DYNC2H1: variants seen among roughly 807,000 people sequenced by gnomAD.
DYNC2H1 encodes dynein cytoplasmic 2 heavy chain 1.
A neutral mutation model predicts 570.0 loss-of-function variants in DYNC2H1; 410 were observed. The observed-to-expected ratio is 0.72, with a 90% CI of 0.66 to 0.78. The LOEUF is 0.78. Ranked by LOEUF, DYNC2H1 falls within the 30% of genes least tolerant of loss-of-function variation. The pLI is 0.00. For missense variants in DYNC2H1, 4,865 were observed against 5,046.4 expected (o/e 0.96, Z 1.09); for synonymous variants, 1,688 against 1,677.6 (o/e 1.01, Z -0.15).
intron 77 of DYNC2H1, among the ~76,000 whole-genome samples, 153 bp from the exon 78 acceptor site, chr11:103,307,568 G>T (rs1232295786): frequency 6.6e-6 from 1 of 151,872 alleles, no homozygotes; most frequent in East Asian, 1.9e-4. Context: ...TAATAGAAAA[G>T]ATAAAAATTT....
At chr11:103,161,136 G>C (rs1369294399) in intron 29 of DYNC2H1, 92 bp downstream of exon 29, 6 of 678,116 alleles carry the variant, frequency 8.8e-6, no homozygotes, top group Non-Finnish European at 1.4e-5. Flanking sequence ...AGAGGGTAAA[G>C]TTGGTTAATT....
rs1858791359 is a variant in DYNC2H1, at chr11:103,122,883, G to T, written c.1544G>T (p.Cys515Phe). Residue 515 changes from cysteine (C) to phenylalanine (F), a missense_variant, in exon 11 of 89, where the codon TGT becomes TTT. Cys to Phe is a radical substitution (Grantham distance 205). Coordinates refer to ENST00000375735, the MANE Select transcript of DYNC2H1 (RefSeq NM_001377.3). ...TTATCTGACTTGCCAGGATTTCGAT[G>T]TTTCCATCAAAGTGCCAAAGATCTC... ...ALLSDLPGFRCFHQSAKDLLD... is the reference protein window; with the variant it reads ...ALLSDLPGFRFFHQSAKDLLD... 6.2e-7 allele frequency: 1 copy of T among 1,613,204 alleles called. No homozygotes were observed. Among genetic ancestry groups the T allele is most frequent in the African/African-American group, 1.3e-5 (1 of 75,038 alleles).
At chr11:103,462,577 C>T (rs979093935) in intron 87 of DYNC2H1, among the ~76,000 whole-genome samples, 5 of 152,084 alleles carry the variant, frequency 3.3e-5, no homozygotes, top group African/African-American at 7.2e-5. Flanking sequence ...AATTCTTCTG[C>T]AAAGAGGCTT....
Position 103,439,534 on chromosome 11 carries a change from T to A in DYNC2H1, c.12456+3502T>A, listed in dbSNP as rs1252631813. On this transcript the variant is annotated intron_variant, in intron 85 of 88. Transcript: ENST00000375735. The surrounding 1 kb of genome is among the most constrained non-coding windows in gnomAD (Gnocchi z 4.1). The stretch of plus-strand genomic sequence containing the variant: ...CATTTTAAGAAGGAAAGTCAGATTA[T>A]GTTTTAAAGGGACTGTTTTAGCTGC... Among the ~76,000 whole-genome samples the A allele has an allele frequency of 6.6e-6, 1 of 152,048 alleles. No individual in the cohort carries two copies. Among genetic ancestry groups the A allele is most frequent in the Non-Finnish European group, 1.5e-5 (1 of 67,988 alleles).
intron 6 of DYNC2H1, among the ~76,000 whole-genome samples, chr11:103,119,216 G>A (rs958479257): frequency 6.6e-6 from 1 of 152,028 alleles, no homozygotes; most frequent in Non-Finnish European, 1.5e-5. Context: ...ATAAATTTTT[G>A]TATTTTATGT....
chr11:103,206,455 T>A (rs1449604318), intron 52 of DYNC2H1, among the ~76,000 whole-genome samples: 1 of 151,764 alleles, frequency 6.6e-6, no homozygotes, highest in Non-Finnish European at 1.5e-5. Flanking sequence ...AGAGTGCAGG[T>A]GATATTTAAA....
chr11:103,130,161 C>T (rs770629309), intron 13 of DYNC2H1, among the ~76,000 whole-genome samples: 2 of 152,122 alleles, frequency 1.3e-5, no homozygotes, highest in Non-Finnish European at 2.9e-5. Context: ...AGACTCAAAA[C>T]CTAGGTTTTT....
intron 1 of DYNC2H1, among the ~76,000 whole-genome samples, chr11:103,112,713 T>G (rs559639938): frequency 7.9e-5 from 12 of 152,226 alleles, no homozygotes; most frequent in Non-Finnish European, 1.8e-4. Flanking sequence ...GACCCATAGC[T>G]GTTCTTCCTA....
At chr11:103,220,826 T>G in intron 57 of DYNC2H1, 43 bp downstream of exon 57, 1 of 1,541,036 alleles carries the variant, frequency 6.5e-7, no homozygotes, top group African/African-American at 1.4e-5. Context: ...CGGCAATGAA[T>G]GACACATTCT....
intron 88 of DYNC2H1, among the ~76,000 whole-genome samples, chr11:103,477,607 G>A (rs1945596082): frequency 1.3e-5 from 2 of 151,932 alleles, no homozygotes; most frequent in Admixed American, 6.6e-5. Context: ...CGAGGCACAC[G>A]TATCACGAGG....
Position 103,311,897 on chromosome 11 carries a change from A to C in DYNC2H1, c.11513A>C (p.Lys3838Thr), listed in dbSNP as rs776931710. Residue 3838 changes from lysine (K) to threonine (T), a missense_variant, in exon 79 of 89, where the codon AAG (lysine) becomes ACG (threonine). Physicochemically the swap from Lys to Thr is moderately conservative, Grantham distance 78. Around this residue, in one of 5 missense-constraint regions of DYNC2H1, gnomAD observed 2,401 missense variants for 2,454.6 expected, o/e 0.98. Transcript: ENST00000375735. ...TTCTAGTCACCTCCAGGTTTAAAGA[A>C]GAATTTAATGCGTACTTATGAGTCT... Reference protein sequence around the residue: ...ITYESPPGLKKNLMRTYESWT... With the variant: ...ITYESPPGLKTNLMRTYESWT... 3 of 1,609,956 alleles carry C rather than the reference A, an allele frequency of 1.9e-6. No homozygotes were observed. The Admixed American group carries it at 5.1e-5, about 27-fold the overall frequency.
intron 82 of DYNC2H1, among the ~76,000 whole-genome samples, chr11:103,338,760 G>A (rs527580549): frequency 3.9e-5 from 6 of 152,186 alleles, no homozygotes; most frequent in Non-Finnish European, 7.4e-5. Flanking sequence ...CATGAAGACA[G>A]CTGTTTTGAA....
chr11:103,466,084 G>T (rs534884469), intron 87 of DYNC2H1, among the ~76,000 whole-genome samples: 17 of 150,992 alleles, frequency 1.1e-4, no homozygotes, highest in South Asian at 2.1e-4. Context: ...CTGGTTTAGG[G>T]AACGACAGAC....
At chr11:103,361,467 T>C (rs150855756) in intron 83 of DYNC2H1, among the ~76,000 whole-genome samples, 1 of 147,992 alleles carries the variant, frequency 6.8e-6, no homozygotes, top group Non-Finnish European at 1.5e-5. Flanking sequence ...TGTTTTGTTA[T>C]AGCAACCAGA....
At chr11:103,178,930 T>G in intron 38 of DYNC2H1, 96 bp from the exon 39 acceptor site, 1 of 1,247,456 alleles carries the variant, frequency 8.0e-7, no homozygotes, top group Non-Finnish European at 1.1e-6. Flanking sequence ...GTAGTACAAA[T>G]TCATATGAAA....
rs1335806732 is a variant in DYNC2H1, at chr11:103,201,987, C to G, written c.8198-1676C>G. ...CAACTCAGTTTTCAATAAATACTTG[C>G]TTTGTATCATGCTAGTGCTCTGAGG... is the stretch of plus-strand genomic sequence containing the variant. On this transcript the variant is annotated intron_variant, in intron 50 of 88. Coordinates refer to ENST00000375735, the MANE Select transcript of DYNC2H1 (RefSeq NM_001377.3). This position sits in a 1 kb window ranked among gnomAD's most constrained non-coding sequence, Gnocchi z 4.8. 6.6e-6 allele frequency among the ~76,000 whole-genome samples: 1 copy of G among 152,102 alleles called. No homozygotes were observed. The highest frequency in any genetic ancestry group is 2.4e-5 in the African/African-American group (1 of 41,432).
intron 82 of DYNC2H1, among the ~76,000 whole-genome samples, chr11:103,337,752 T>TCA (rs1284013827): frequency 6.6e-6 from 1 of 152,218 alleles, no homozygotes; most frequent in Non-Finnish European, 1.5e-5. Context: ...GCTATTGAAT[T>TCA]GTTTGAATTG....
At chr11:103,259,694 T>C (rs1865192784) in intron 69 of DYNC2H1, among the ~76,000 whole-genome samples, 194 bp from the exon 70 acceptor site, 1 of 152,188 alleles carries the variant, frequency 6.6e-6, no homozygotes, top group Non-Finnish European at 1.5e-5. Context: ...GCTTTAACTC[T>C]ATACATTAAA....
chr11:103,472,714 T>A lies in DYNC2H1; in HGVS notation c.12765+4009T>A, dbSNP rs902909561. ...ACAAGATATTAAGCTTTAAAAAAAATTTTGAAATAGGAATTGTAATCTCCA... is the reference window on the plus strand; with the variant it reads ...ACAAGATATTAAGCTTTAAAAAAAAATTTGAAATAGGAATTGTAATCTCCA... On this transcript the variant is annotated intron_variant, in intron 88 of 88. Coordinates refer to ENST00000375735, the MANE Select transcript of DYNC2H1 (RefSeq NM_001377.3). The surrounding 1 kb of genome is among the most constrained non-coding windows in gnomAD (Gnocchi z 4.1). Among the ~76,000 whole-genome samples, 5 of 152,116 alleles carry A rather than the reference T, an allele frequency of 3.3e-5. No homozygotes were observed. The highest frequency in any genetic ancestry group is 2.1e-4 in the South Asian group (1 of 4,830).
Sources: gnomAD v4.1 joint callset for allele counts (sites outside exome capture counted in the v4.1 genomes callset) on GRCh38, gnomAD v4.1.1 for gene constraint, gnomAD v4.1.1 regional missense constraint, Gnocchi (gnomAD v3.1) non-coding constraint, MANE v1.5 for transcripts, NCBI Gene and HGNC (gene_info 2026-07-23, HGNC 2026-07-21) for gene names.